Variants in ARSB observed in about 807,000 individuals in gnomAD.
ARSB encodes the protein arylsulfatase B.
In ARSB, 41 loss-of-function variants were observed where a neutral mutation model predicts 50.9. That is an observed-to-expected ratio of 0.81 (90% CI 0.63 to 1.04). The LOEUF (loss-of-function observed/expected upper bound fraction) is 1.04, where lower values mean the gene tolerates loss of function less well. Among genes scored for constraint, ARSB ranks in the 50% least tolerant of loss-of-function variants. The probability of loss-of-function intolerance (pLI) is 0.00; values close to 1 mark genes in which losing one functional copy is unlikely to be tolerated. For synonymous variants in ARSB, 269 were observed against 284.8 expected, an observed-to-expected ratio of 0.94 and a Z score of 0.56; for missense variants, 672 against 693.3, an observed-to-expected ratio of 0.97 and a Z score of 0.35.
chr5:78,849,704 T>A (rs2112036213), intron 5 of ARSB, among the ~76,000 whole-genome samples: 1 of 147,314 alleles, frequency 6.8e-6, no homozygotes, highest in East Asian at 1.9e-4. Context: ...CATGGAATGT[T>A]CTTCCATTTG....
intron 4 of ARSB, among the ~76,000 whole-genome samples, chr5:78,949,976 G>C (rs1168469061): frequency 6.6e-6 from 1 of 152,092 alleles, no homozygotes; most frequent in Non-Finnish European, 1.5e-5. Flanking sequence ...AAGATGTTGA[G>C]GTCAATCACT....
In ARSB at chr5:78,935,234, CAT is replaced by C. The variant is rs754272663; in HGVS notation, c.898+20059_898+20060del. 1.3e-3 allele frequency among the ~76,000 whole-genome samples: 204 copies of C among 152,226 alleles called. 1 individual carries two copies. Among genetic ancestry groups the C allele is most frequent in the Middle Eastern group, 3.4e-3 (1 of 294 alleles). On this transcript the variant is annotated intron_variant, in intron 4 of 7. Coordinates refer to ENST00000264914, the MANE Select transcript of ARSB (RefSeq NM_000046.5). ...AGAGGAAATAATGAGGTTCTCAAAA[CAT>C]ATTGTATTCTCAGTAATCAAAATCA... is the stretch of plus-strand genomic sequence containing the variant.
intron 5 of ARSB, among the ~76,000 whole-genome samples, chr5:78,872,780 C>G (rs964740092): frequency 2.3e-5 from 3 of 129,720 alleles, no homozygotes; most frequent in African/African-American, 9.1e-5. Context: ...CTAACCTGCA[C>G]AATGTGCACA....
intron 6 of ARSB, among the ~76,000 whole-genome samples, chr5:78,800,336 A>AAAAGC (rs1554071192): frequency 7.0e-6 from 1 of 143,778 alleles, no homozygotes. Flanking sequence ...AAAAAAAAAA[A>AAAAGC]AGCAGCAGCA....
At position 78,885,811 on chromosome 5, in the gene ARSB, AG is replaced by A. The variant is rs926773298; in HGVS notation, c.914del (p.Thr305IlefsTer33). ...FIFSTDNGGQTLAGGNNWPLR... is the reference protein window; with the variant it reads ...FIFSTDNGGQXLAGGNNWPLR... ...GGGGCCAGTTATTACCCCCTGCCAA[AG>A]TCTGCCCTCCGTTATCTGAAACACA... On this transcript the variant is annotated frameshift_variant, in exon 5 of 8. Transcript: ENST00000264914. LOFTEE classifies it high-confidence loss of function. 2 of 1,614,050 alleles carry A rather than the reference AG, an allele frequency of 1.2e-6. No homozygotes were observed. Among genetic ancestry groups the A allele is most frequent in the African/African-American group, 2.7e-5 (2 of 74,914 alleles).
At chr5:78,795,306 G>C (rs1449745022) in intron 6 of ARSB, among the ~76,000 whole-genome samples, 1 of 152,184 alleles carries the variant, frequency 6.6e-6, no homozygotes, top group Non-Finnish European at 1.5e-5. Context: ...ATGGACCCTA[G>C]GGGGATGCTG....
chr5:78,787,049 G>A (rs768669844), intron 6 of ARSB, among the ~76,000 whole-genome samples: 15 of 151,920 alleles, frequency 9.9e-5, no homozygotes, highest in East Asian at 1.9e-4. Flanking sequence ...CTGGACTCTC[G>A]ATGCCATTCC....
At position 78,853,704 on chromosome 5, in the gene ARSB, G is replaced by T. The variant is rs1258166437; in HGVS notation, c.1143-14278C>A. 7.9e-5 allele frequency among the ~76,000 whole-genome samples: 12 copies of T among 152,360 alleles called. No individual in the cohort carries two copies. In the East Asian group the frequency reaches 2.3e-3, roughly 29 times the overall value. On this transcript the variant is annotated intron_variant, in intron 5 of 7. Coordinates refer to ENST00000264914, the MANE Select transcript of ARSB (RefSeq NM_000046.5). ...AGGCAGGCCTCCTTGAGCTGTGGTG[G>T]GCTCCACCAAGTTTGAGCTTCCTGG...
intron 5 of ARSB, among the ~76,000 whole-genome samples, chr5:78,853,500 T>C (rs1195540358): frequency 6.6e-6 from 1 of 152,152 alleles, no homozygotes; most frequent in Non-Finnish European, 1.5e-5. Context: ...TTGCTCGGGG[T>C]TCAGGGATCA....
chr5:78,804,234 TC>T (rs1485209951), intron 6 of ARSB, among the ~76,000 whole-genome samples: 1 of 151,940 alleles, frequency 6.6e-6, no homozygotes, highest in Non-Finnish European at 1.5e-5. Context: ...AAAGATCCCT[TC>T]AGACTCAGTT....
At chr5:78,812,111 G>A (rs900728875) in intron 6 of ARSB, among the ~76,000 whole-genome samples, 1 of 152,172 alleles carries the variant, frequency 6.6e-6, no homozygotes, top group African/African-American at 2.4e-5. Flanking sequence ...ATCTGCATAT[G>A]TGTTCACATA....
intron 4 of ARSB, among the ~76,000 whole-genome samples, chr5:78,938,558 T>G (rs1487503113): frequency 2.0e-5 from 3 of 152,258 alleles, no homozygotes; most frequent in African/African-American, 7.2e-5. Context: ...TTCATTTAAG[T>G]GTCTGAAGAA....
intron 4 of ARSB, among the ~76,000 whole-genome samples, chr5:78,892,808 A>G (rs917921826): frequency 4.6e-5 from 7 of 152,208 alleles, no homozygotes; most frequent in African/African-American, 1.7e-4. Context: ...TGCAGCATTC[A>G]GGGCAGATAA....
chr5:78,891,767 G>A (rs1288022361), intron 4 of ARSB, among the ~76,000 whole-genome samples: 1 of 152,112 alleles, frequency 6.6e-6, no homozygotes, highest in African/African-American at 2.4e-5. Flanking sequence ...TTAAAGACTA[G>A]TTATACTATT....
intron 6 of ARSB, among the ~76,000 whole-genome samples, chr5:78,784,246 T>C (rs1309502693): frequency 1.3e-5 from 2 of 152,212 alleles, no homozygotes; most frequent in African/African-American, 4.8e-5. Context: ...AAAGGTATTA[T>C]GGAAGACAGT....
chr5:78,809,052 C>T (rs188002510), intron 6 of ARSB, among the ~76,000 whole-genome samples: 4 of 152,322 alleles, frequency 2.6e-5, no homozygotes, highest in African/African-American at 7.2e-5. Context: ...TGTGTTTCAG[C>T]CACTGTGCTG....
intron 5 of ARSB, among the ~76,000 whole-genome samples, chr5:78,848,690 T>A (rs1369278933): frequency 3.3e-5 from 5 of 152,188 alleles, no homozygotes. Context: ...CCACCAACAG[T>A]GCAAAAGTAT....
At chr5:78,911,285 A>G (rs1339238910) in intron 4 of ARSB, among the ~76,000 whole-genome samples, 1 of 152,126 alleles carries the variant, frequency 6.6e-6, no homozygotes, top group Non-Finnish European at 1.5e-5. Context: ...ACCTGATACC[A>G]GTGGTTCTCA....
At chr5:78,822,958 T>C (rs1744296166) in intron 6 of ARSB, among the ~76,000 whole-genome samples, 1 of 152,220 alleles carries the variant, frequency 6.6e-6, no homozygotes, top group Non-Finnish European at 1.5e-5. Flanking sequence ...TTAATGTCTA[T>C]ATTATTTTTA....
Sources: gnomAD v4.1 joint callset for allele counts (sites outside exome capture counted in the v4.1 genomes callset) on GRCh38, gnomAD v4.1.1 for gene constraint, MANE v1.5 for transcripts, NCBI Gene and HGNC (gene_info 2026-07-23, HGNC 2026-07-21) for gene names.